RBFOX1: variants seen among roughly 807,000 people sequenced by gnomAD.
RBFOX1 encodes RNA binding fox-1 homolog 1.
In RBFOX1, 8 loss-of-function variants were observed where a neutral mutation model predicts 57.7. The observed-to-expected ratio is 0.14, with a 90% CI of 0.08 to 0.25. RBFOX1 has a LOEUF of 0.25. Ranked by LOEUF, RBFOX1 falls within the 10% of genes least tolerant of loss-of-function variation. RBFOX1 has a pLI of 1.00. For missense variants in RBFOX1, 611 were observed against 548.5 expected (o/e 1.11, Z -1.14); for synonymous variants, 326 against 222.4 (o/e 1.47, Z -4.15).
At chr16:5,247,623 C>G (rs933320972) in intron 1 of RBFOX1, among the ~76,000 whole-genome samples, 5 of 152,238 alleles carry the variant, frequency 3.3e-5, no homozygotes, top group African/African-American at 4.8e-5. Context: ...TATTGGAACA[C>G]AGCCACACCT....
intron 3 of RBFOX1, among the ~76,000 whole-genome samples, chr16:6,789,067 G>A (rs1188548153): frequency 6.6e-6 from 1 of 152,068 alleles, no homozygotes; most frequent in Non-Finnish European, 1.5e-5. Flanking sequence ...TCGCGAAATT[G>A]CCTATTAAAC....
intron 2 of RBFOX1, among the ~76,000 whole-genome samples, chr16:6,533,584 ATTTTT>A (rs375084936): frequency 6.7e-6 from 1 of 149,052 alleles, no homozygotes; most frequent in South Asian, 2.1e-4. Flanking sequence ...GAGTCAAGTG[ATTTTT>A]TTTTTTTCCT....
chr16:7,001,398 T>TGTATA (rs2092782327), intron 3 of RBFOX1, among the ~76,000 whole-genome samples: 69 of 100,932 alleles, frequency 6.8e-4, no homozygotes, highest in African/African-American at 1.1e-3. Context: ...GTATGTGTAT[T>TGTATA]TGTATATGTA....
chr16:7,044,252 A>G (rs1022519655), intron 3 of RBFOX1, among the ~76,000 whole-genome samples: 16 of 152,176 alleles, frequency 1.1e-4, no homozygotes, highest in African/African-American at 3.9e-4. Flanking sequence ...TGGATTCCAA[A>G]CATCGTACTC....
chr16:5,892,188 G>A (rs1422487901), intron 4 of RBFOX1, among the ~76,000 whole-genome samples: 2 of 152,244 alleles, frequency 1.3e-5, no homozygotes, highest in East Asian at 3.9e-4. Context: ...ACAGAGAGAG[G>A]GGCTGGCAGT....
At chr16:7,557,143 C>T (rs1161342281) in intron 5 of RBFOX1, among the ~76,000 whole-genome samples, 2 of 152,048 alleles carry the variant, frequency 1.3e-5, no homozygotes, top group Non-Finnish European at 2.9e-5. Context: ...AACTGAGGTA[C>T]CATGGAGGTG....
intron 4 of RBFOX1, among the ~76,000 whole-genome samples, chr16:5,900,931 G>C (rs1040764079): frequency 6.6e-6 from 1 of 152,176 alleles, no homozygotes. Flanking sequence ...CTTTCCCTTG[G>C]GAGAGACTGA....
intron 3 of RBFOX1, among the ~76,000 whole-genome samples, chr16:5,669,866 A>C (rs552056336): frequency 3.7e-4 from 56 of 152,376 alleles, no homozygotes; most frequent in African/African-American, 1.2e-3. Flanking sequence ...GTATATGTCC[A>C]CAAAAGATTT....
chr16:5,790,100 C>A (rs563997774), intron 3 of RBFOX1, among the ~76,000 whole-genome samples: 147 of 152,336 alleles, frequency 9.6e-4, no homozygotes, highest in African/African-American at 3.4e-3. Context: ...AGCAGGCCTT[C>A]CTCCATCTTC....
At chr16:6,882,115 T>A (rs1226337272) in intron 3 of RBFOX1, among the ~76,000 whole-genome samples, 1 of 152,188 alleles carries the variant, frequency 6.6e-6, no homozygotes, top group Non-Finnish European at 1.5e-5. Context: ...TGTAAATTAT[T>A]TAGCAGGAAA....
intron 4 of RBFOX1, among the ~76,000 whole-genome samples, chr16:7,106,984 A>AAAAAAAC (rs529197707): frequency 2.3e-4 from 34 of 148,632 alleles, no homozygotes; most frequent in East Asian, 1.2e-3. Context: ...ACACAGTTAA[A>AAAAAAAC]ACACACACAC....
chr16:5,418,978 G>T (rs992902490), intron 1 of RBFOX1, among the ~76,000 whole-genome samples: 3 of 152,200 alleles, frequency 2.0e-5, no homozygotes, highest in Admixed American at 1.3e-4. Flanking sequence ...GCCTGAACTG[G>T]ATTGGGGCGC....
At chr16:5,487,687 C>T (rs1280897032) in intron 2 of RBFOX1, among the ~76,000 whole-genome samples, 1 of 152,176 alleles carries the variant, frequency 6.6e-6, no homozygotes, top group Non-Finnish European at 1.5e-5. Context: ...GTTATGTCTT[C>T]CAAGATGGTG....
rs139996578 is a variant in RBFOX1 at position 7,575,837 on chromosome 16, A to T, written c.271-3940A>T. 6.4e-3 allele frequency among the ~76,000 whole-genome samples: 970 copies of T among 152,312 alleles called. 11 individuals are homozygous for T. The highest frequency in any genetic ancestry group is 0.022 in the African/African-American group (927 of 41,572). On this transcript the variant is annotated intron_variant, in intron 5 of 15. Coordinates refer to ENST00000550418, the MANE Select transcript of RBFOX1 (RefSeq NM_018723.4). ...AGTGGAGGGCTTTGTGATGATCTCTAACCCCAACATGCGTTAGGCTCTGAG... is the reference window on the plus strand; with the variant it reads ...AGTGGAGGGCTTTGTGATGATCTCTTACCCCAACATGCGTTAGGCTCTGAG...
At chr16:6,200,628 C>A (rs575679342) in intron 1 of RBFOX1, among the ~76,000 whole-genome samples, 2 of 152,116 alleles carry the variant, frequency 1.3e-5, no homozygotes, top group East Asian at 1.9e-4. Context: ...GTTTTACACA[C>A]GTTAAATGAT....
Position 6,815,127 on chromosome 16 carries a change from C to A in RBFOX1, c.-16+160477C>A, listed in dbSNP as rs374563060. Among the ~76,000 whole-genome samples the A allele has an allele frequency of 1.1e-4, 16 of 152,230 alleles. 1 individual carries two copies. In the East Asian group the frequency reaches 2.1e-3, roughly 20 times the overall value. ...ATTTCCGACCATATAGCGTAACTTC[C>A]GGGTGTTGCTACAGCATTTGTAAAC... On this transcript the variant is annotated intron_variant, in intron 3 of 15. Transcript: ENST00000550418.
chr16:5,885,090 C>T (rs944409286), intron 4 of RBFOX1, among the ~76,000 whole-genome samples: 2 of 152,150 alleles, frequency 1.3e-5, no homozygotes, highest in Non-Finnish European at 2.9e-5. Context: ...GATGAGCATT[C>T]TCCAAATGGA....
At chr16:7,222,147 T>A (rs1489068853) in intron 4 of RBFOX1, among the ~76,000 whole-genome samples, 9 of 152,046 alleles carry the variant, frequency 5.9e-5, no homozygotes, top group Non-Finnish European at 1.3e-4. Flanking sequence ...ATTCGTTGTT[T>A]CAAAAGCCCA....
At chr16:5,795,279 C>T (rs1001298414) in intron 3 of RBFOX1, among the ~76,000 whole-genome samples, 3 of 152,022 alleles carry the variant, frequency 2.0e-5, no homozygotes, top group Admixed American at 6.6e-5. Flanking sequence ...ATCTGTTCCA[C>T]CTTATTGTCT....
Sources: gnomAD v4.1 joint callset for allele counts (sites outside exome capture counted in the v4.1 genomes callset) on GRCh38, gnomAD v4.1.1 for gene constraint, MANE v1.5 for transcripts, NCBI Gene and HGNC (gene_info 2026-07-23, HGNC 2026-07-21) for gene names.